The following SLC4A7 variants were observed in gnomAD, a reference collection of about 807,000 sequenced individuals.
The protein encoded by SLC4A7 is sodium bicarbonate cotransporter 3.
A neutral mutation model predicts 137.6 loss-of-function variants in SLC4A7; 51 were observed. The observed-to-expected ratio is 0.37, with a 90% CI of 0.30 to 0.47. The LOEUF is 0.47. Among genes scored for constraint, SLC4A7 ranks in the 20% least tolerant of loss-of-function variants. The probability of loss-of-function intolerance (pLI) is 1.00; values close to 1 mark genes in which losing one functional copy is unlikely to be tolerated. For synonymous variants in SLC4A7, 542 were observed against 518.6 expected, an observed-to-expected ratio of 1.05 and a Z score of -0.61; for missense variants, 1,247 against 1,525.4, an observed-to-expected ratio of 0.82 and a Z score of 3.04.
At chr3:27,390,918 G>A (rs1377816632) in intron 21 of SLC4A7, among the ~76,000 whole-genome samples, 1 of 151,910 alleles carries the variant, frequency 6.6e-6, no homozygotes, top group East Asian at 1.9e-4. Context: ...CAAACTCCTG[G>A]GCCCAAGCAA....
intron 3 of SLC4A7, among the ~76,000 whole-genome samples, chr3:27,445,193 T>C (rs533077642): frequency 7.9e-5 from 12 of 152,324 alleles, no homozygotes; most frequent in African/African-American, 2.9e-4. Flanking sequence ...CACAGGTAGT[T>C]TCCTCTCACA....
chr3:27,407,388 G>A (rs549019917), intron 13 of SLC4A7, among the ~76,000 whole-genome samples: 1 of 151,382 alleles, frequency 6.6e-6, no homozygotes, highest in Non-Finnish European at 1.5e-5. Context: ...ACTGAGGCAG[G>A]AGAATTGCTT....
chr3:27,433,685 A>C (rs925515292), intron 6 of SLC4A7, among the ~76,000 whole-genome samples: 1 of 152,238 alleles, frequency 6.6e-6, no homozygotes, highest in African/African-American at 2.4e-5. Context: ...ATAAAGGTTC[A>C]AACCCAAGAT....
chr3:27,398,283 A>C lies in SLC4A7; in HGVS notation c.2498T>G (p.Val833Gly), dbSNP rs1434163624. 6.2e-7 allele frequency: 1 copy of C among 1,613,060 alleles called. No homozygotes were observed. The highest frequency in any genetic ancestry group is 1.1e-5 in the South Asian group (1 of 91,038). Residue 833 changes from valine to glycine, a missense_variant, in exon 17 of 26, where the codon GTG (valine) becomes GGG (glycine). Physicochemically the swap from Val to Gly is moderately radical, Grantham distance 109 (BLOSUM62 -3). Around this residue, in one of 6 missense-constraint regions of SLC4A7, gnomAD observed 499 missense variants for 664.2 expected, o/e 0.75. Transcript: ENST00000454389. ...AAACAAGATGACACACCAAAAGAGC[A>C]CATCTGGAATATAAGGTCCATGATG... ...CGHHGPYIPDVLFWCVILFFT... is the reference protein window; with the variant it reads ...CGHHGPYIPDGLFWCVILFFT...
intron 7 of SLC4A7, among the ~76,000 whole-genome samples, chr3:27,430,365 G>A (rs564122042): frequency 4.0e-5 from 6 of 150,884 alleles, no homozygotes; most frequent in African/African-American, 1.2e-4. Flanking sequence ...GCCCACACCT[G>A]TAATCTCAGC....
chr3:27,448,876 A>G (rs1576538429), intron 2 of SLC4A7, 79 bp from the exon 3 acceptor site: 2 of 972,196 alleles, frequency 2.1e-6, no homozygotes, highest in Non-Finnish European at 3.0e-6. Flanking sequence ...TCCAAAATCT[A>G]CTCTGATAAA....
At chr3:27,448,553 C>A in intron 3 of SLC4A7, 98 bp downstream of exon 3, 7 of 928,664 alleles carry the variant, frequency 7.5e-6, no homozygotes, top group Non-Finnish European at 1.2e-5. Flanking sequence ...TACATTAATG[C>A]ATACATACAA....
intron 3 of SLC4A7, among the ~76,000 whole-genome samples, chr3:27,445,975 T>A (rs1190188170): frequency 3.1e-4 from 33 of 105,456 alleles, no homozygotes; most frequent in East Asian, 8.6e-4. Flanking sequence ...TATATATATA[T>A]ATATATATAT....
intron 3 of SLC4A7, among the ~76,000 whole-genome samples, chr3:27,440,696 C>T (rs1158896211): frequency 6.6e-6 from 1 of 151,814 alleles, no homozygotes; most frequent in African/African-American, 2.4e-5. Flanking sequence ...CCACTATACT[C>T]CAGCCTGGGT....
intron 10 of SLC4A7, among the ~76,000 whole-genome samples, chr3:27,419,526 G>C (rs1306996727): frequency 6.6e-6 from 1 of 151,210 alleles, no homozygotes; most frequent in South Asian, 2.1e-4. Flanking sequence ...AGTAGAGATG[G>C]GGTTTCACCA....
intron 1 of SLC4A7, among the ~76,000 whole-genome samples, chr3:27,483,219 T>C (rs1445064766): frequency 1.3e-5 from 2 of 152,222 alleles, no homozygotes; most frequent in African/African-American, 2.4e-5. Context: ...AAGCAGGAAG[T>C]CCGCTTCTTG....
chr3:27,394,632 T>C lies in SLC4A7; in HGVS notation c.3003A>G (p.Glu1001=). 1 of 1,614,172 alleles carries C rather than the reference T, an allele frequency of 6.2e-7. No individual in the cohort carries two copies. Among genetic ancestry groups the C allele is most frequent in the Non-Finnish European group, 8.5e-7 (1 of 1,180,016 alleles). Residue 1001 remains glutamate (E), a synonymous_variant, in exon 20 of 26, where the codon GAA becomes GAG. Transcript: ENST00000454389. The stretch of plus-strand genomic sequence containing the variant: ...TGGGTTGTTCCCCTGGAGCAGAACA[T>C]TCAGATTCAACTTTTAAGCTGTTGA... ...SHVNSLKVES[E]CSAPGEQPKF...
At position 27,390,040 on chromosome 3, in the gene SLC4A7, C is replaced by T. The variant is rs560270432; in HGVS notation, c.3251G>A (p.Arg1084His). 1.7e-5 allele frequency: 28 copies of T among 1,612,144 alleles called. No homozygotes were observed. The Admixed American group carries it at 2.7e-4, about 15-fold the overall frequency. The change falls in exon 22 of 26, where the codon CGT becomes CAT. Residue 1084 changes from arginine (R) to histidine (H), a missense_variant. Transcript: ENST00000454389. ...AKHQPDLIYL[R>H]YVPLWKVHIF... ...ATGGACCTTCCAGAGCGGCACATAACGGAGGTATATCAAATCAGGCTGATG... is the reference window on the plus strand; with the variant it reads ...ATGGACCTTCCAGAGCGGCACATAATGGAGGTATATCAAATCAGGCTGATG...
At chr3:27,421,481 G>A (rs1360015878) in intron 9 of SLC4A7, 141 bp downstream of exon 9, 5 of 735,198 alleles carry the variant, frequency 6.8e-6, no homozygotes, top group South Asian at 2.6e-5. Flanking sequence ...GGATGACAAA[G>A]TGAGATTGTC....
In SLC4A7 at chr3:27,418,482, T is replaced by C. The variant is rs2150276249; in HGVS notation, c.1659+4A>G. ...GTCACAGAAGAATAGCTCTGGATTC[T>C]TACCTGAGAAGGGACACTTTTTGGT... On this transcript the variant is annotated splice_donor_region_variant and intron_variant, in intron 11 of 25. Transcript: ENST00000454389. 4 of 1,603,258 alleles carry C rather than the reference T, an allele frequency of 2.5e-6. No individual in the cohort carries two copies. Among genetic ancestry groups the C allele is most frequent in the Non-Finnish European group, 3.4e-6 (4 of 1,176,022 alleles).
At chr3:27,476,775 AGCCTGCAG>A (rs1384763452) in intron 1 of SLC4A7, among the ~76,000 whole-genome samples, 1 of 152,170 alleles carries the variant, frequency 6.6e-6, no homozygotes, top group Non-Finnish European at 1.5e-5. Context: ...CTTCTTGTAC[AGCCTGCAG>A]AACTGTGAGT....
At chr3:27,428,712 T>C (rs2055921875) in intron 7 of SLC4A7, among the ~76,000 whole-genome samples, 1 of 152,208 alleles carries the variant, frequency 6.6e-6, no homozygotes, top group South Asian at 2.1e-4. Context: ...AACTTACCCA[T>C]ATTTGTATAC....
intron 7 of SLC4A7, 134 bp downstream of exon 7, chr3:27,431,159 GAAAAA>G: frequency 1.1e-6 from 1 of 906,224 alleles, no homozygotes; most frequent in Non-Finnish European, 1.5e-6. Context: ...CTATCATAAA[GAAAAA>G]AAAACATGCA....
chr3:27,389,424 C>G (rs1047281480), intron 22 of SLC4A7, among the ~76,000 whole-genome samples: 16 of 151,934 alleles, frequency 1.1e-4, no homozygotes, highest in African/African-American at 3.6e-4. Flanking sequence ...TGGCCATGTA[C>G]AAAACCAATT....
Sources: allele counts gnomAD v4.1 joint callset (sites outside exome capture counted in the v4.1 genomes callset), GRCh38; gene constraint gnomAD v4.1.1; regional missense constraint gnomAD v4.1.1; transcripts MANE v1.5; gene names NCBI Gene and HGNC (gene_info 2026-07-23, HGNC 2026-07-21).